The following SCUBE1 variants were observed in gnomAD, a reference collection of about 807,000 sequenced individuals.
SCUBE1 encodes signal peptide, CUB domain and EGF like domain containing 1, also known as signal peptide, CUB and EGF-like domain-containing protein 1.
Under a neutral mutation model 124.4 loss-of-function variants are expected in SCUBE1, and 59 were observed. The observed-to-expected ratio is 0.47, with a 90% CI of 0.38 to 0.59. The LOEUF is 0.59. Among genes scored for constraint, SCUBE1 ranks in the 20% least tolerant of loss-of-function variants. SCUBE1 has a pLI of 0.00. For missense variants in SCUBE1, 1,150 were observed against 1,371.2 expected (o/e 0.84, Z 2.55); for synonymous variants, 545 against 550.9 (o/e 0.99, Z 0.15).
At chr22:43,274,521 T>C (rs1332585253) in intron 4 of SCUBE1, among the ~76,000 whole-genome samples, 2 of 152,164 alleles carry the variant, frequency 1.3e-5, no homozygotes, top group Non-Finnish European at 2.9e-5. Context: ...GGCCATGGCC[T>C]GCCACGAACA....
At chr22:43,328,681 T>A (rs1926806505) in intron 2 of SCUBE1, among the ~76,000 whole-genome samples, 1 of 152,132 alleles carries the variant, frequency 6.6e-6, no homozygotes, top group African/African-American at 2.4e-5. Flanking sequence ...CTTTCTCTCA[T>A]CTCGGGATCC....
chr22:43,238,842 G>T lies in SCUBE1; in HGVS notation c.840C>A (p.Cys280Ter), dbSNP rs1204697605. 6.2e-7 allele frequency: 1 copy of T among 1,612,290 alleles called. No homozygotes were observed. The highest frequency in any genetic ancestry group is 8.5e-7 in the Non-Finnish European group (1 of 1,179,270). Residue 280 changes from cysteine to a stop codon, truncating the protein, a stop_gained, in exon 7 of 22, where the codon TGC becomes TGA. Transcript: ENST00000360835. LOFTEE classifies it high-confidence loss of function. The stretch of plus-strand genomic sequence containing the variant: ...CACACAGCTCCACATGCTGACCTTT[G>T]CATGTCTTCCCGTCCGGCTGCAGTG... ...GFTLQPDGKTCKDINECLVNN... is the reference protein window; with the variant it reads ...GFTLQPDGKT
Position 43,258,417 on chromosome 22 carries a change from C to A in SCUBE1, c.611-82G>T. 2 of 1,051,334 alleles carry A rather than the reference C, an allele frequency of 1.9e-6. No homozygotes were observed. The highest frequency in any genetic ancestry group is 2.5e-5 in the South Asian group (2 of 78,534). 65.1% of individuals were successfully genotyped at this position (1,051,334 alleles called of 1,614,324 possible). A position where few individuals can be genotyped will look rare whatever the true frequency, so the allele number is the denominator to read the frequency against. Reference sequence around the variant, plus strand: ...GTTTGCCGGTGTTGGCGGCTGCCTTCAGGGTATGGGGAAACTGAGGCCTAA... The same window carrying A: ...GTTTGCCGGTGTTGGCGGCTGCCTTAAGGGTATGGGGAAACTGAGGCCTAA... On this transcript the variant is annotated intron_variant, in intron 5 of 21. Coordinates refer to ENST00000360835, the MANE Select transcript of SCUBE1 (RefSeq NM_173050.5). The surrounding 1 kb of genome is among the most constrained non-coding windows in gnomAD (Gnocchi z 5.0).
chr22:43,247,519 C>A (rs1436261221), intron 6 of SCUBE1, among the ~76,000 whole-genome samples: 1 of 152,248 alleles, frequency 6.6e-6, no homozygotes, highest in Non-Finnish European at 1.5e-5. Flanking sequence ...CCTGAAACCA[C>A]CCACCTTCCT....
chr22:43,247,424 C>T (rs1288023267), intron 6 of SCUBE1, among the ~76,000 whole-genome samples: 1 of 152,230 alleles, frequency 6.6e-6, no homozygotes, highest in African/African-American at 2.4e-5. Context: ...GTGTGCTTGA[C>T]TGGAGTGAAG....
At chr22:43,339,081 C>T (rs373671573) in intron 2 of SCUBE1, 23 bp downstream of exon 2, 356 of 1,612,494 alleles carry the variant, frequency 2.2e-4, no homozygotes, top group Non-Finnish European at 2.6e-4. Flanking sequence ...AGGGTCTGCC[C>T]GGGAGGGCCG....
At chr22:43,207,686 C>G in intron 20 of SCUBE1, 73 bp from the exon 21 acceptor site, 3 of 1,140,198 alleles carry the variant, frequency 2.6e-6, no homozygotes, top group Non-Finnish European at 4.0e-6. Context: ...TCACCTCCAG[C>G]CTCTGCCCTC....
chr22:43,259,659 C>T (rs1003870480), intron 5 of SCUBE1, among the ~76,000 whole-genome samples: 3 of 152,158 alleles, frequency 2.0e-5, no homozygotes, highest in South Asian at 2.1e-4. Context: ...GTCTCCACAG[C>T]GGGCGAGGAG....
intron 4 of SCUBE1, among the ~76,000 whole-genome samples, chr22:43,273,585 T>TTTTTTTTTTTTA (rs3047359): frequency 1.4e-5 from 2 of 143,456 alleles, no homozygotes; most frequent in African/African-American, 2.6e-5. Context: ...TTTTTTTTTT[T>TTTTTTTTTTTTA]GAGACAGAGT....
chr22:43,211,764 T>A lies in SCUBE1; in HGVS notation c.2221+661A>T, dbSNP rs953427232. Among the ~76,000 whole-genome samples the A allele has an allele frequency of 3.5e-4, 53 of 152,144 alleles. 2 individuals are homozygous for A. Among genetic ancestry groups the A allele is most frequent in the Non-Finnish European group, 7.4e-5 (5 of 68,024 alleles). On this transcript the variant is annotated intron_variant, in intron 17 of 21. Transcript: ENST00000360835. The surrounding 1 kb of genome is among the most constrained non-coding windows in gnomAD (Gnocchi z 4.5). ...GCCTCAAACTTCTGACCTCAGGTGA[T>A]CCACCCCCTTTGGCCTCCCAAAGTG...
rs144111779 is a variant in SCUBE1 at position 43,238,866 on chromosome 22, T to C, written c.816A>G (p.Thr272=). The C allele has an allele frequency of 1.2e-4, 189 of 1,613,204 alleles. 2 individuals carry two copies. The African/African-American group carries it at 2.2e-3, about 19-fold the overall frequency. ...GVRCSCPVGF[T]LQPDGKTCKD... ...TGCATGTCTTCCCGTCCGGCTGCAG[T>C]GTGAATCCAACGGGGCAGCTGCATC... is the stretch of plus-strand genomic sequence containing the variant. Residue 272 remains threonine, a synonymous_variant, in exon 7 of 22, where the codon ACA becomes ACG. Transcript: ENST00000360835.
Position 43,255,790 on chromosome 22 carries a change from G to A in SCUBE1, c.727+2429C>T, listed in dbSNP as rs1404449127. On this transcript the variant is annotated intron_variant, in intron 6 of 21. Transcript: ENST00000360835. This position sits in a 1 kb window ranked among gnomAD's most constrained non-coding sequence, Gnocchi z 4.7. ...GAGGCAGCGAGGGCGGGGGCGGGGG[G>A]ACGTGCAGGAAAGGAGGAATGACCA... 6.6e-6 allele frequency among the ~76,000 whole-genome samples: 1 copy of A among 152,170 alleles called. No homozygotes were observed. The highest frequency in any genetic ancestry group is 2.1e-4 in the South Asian group (1 of 4,828).
intron 3 of SCUBE1, among the ~76,000 whole-genome samples, chr22:43,310,769 T>A (rs1022448469): frequency 1.3e-5 from 2 of 152,258 alleles, no homozygotes; most frequent in Non-Finnish European, 2.9e-5. Flanking sequence ...TCAATACACA[T>A]TTTTTAAAAA....
intron 3 of SCUBE1, among the ~76,000 whole-genome samples, chr22:43,291,947 G>A (rs182711694): frequency 9.9e-5 from 15 of 152,188 alleles, no homozygotes; most frequent in Admixed American, 5.9e-4. Flanking sequence ...ATTCAAACCC[G>A]GTGGTCTGAC....
At chr22:43,254,633 C>T (rs113198923) in intron 6 of SCUBE1, among the ~76,000 whole-genome samples, 21 of 152,248 alleles carry the variant, frequency 1.4e-4, no homozygotes, top group African/African-American at 3.1e-4. Flanking sequence ...AAATGGAGAC[C>T]GCGCTACCTG....
intron 6 of SCUBE1, among the ~76,000 whole-genome samples, chr22:43,239,999 A>G (rs1034635608): frequency 2.0e-5 from 3 of 152,066 alleles, no homozygotes; most frequent in Non-Finnish European, 4.4e-5. Flanking sequence ...ACATACCCTC[A>G]GCTGTCGGGA....
At position 43,238,934 on chromosome 22, in the gene SCUBE1, C is replaced by T; in HGVS notation, c.748G>A (p.Gly250Arg). The change falls in exon 7 of 22, where the codon GGA (glycine) becomes AGA (arginine). Residue 250 changes from glycine to arginine, a missense_variant. Coordinates refer to ENST00000360835, the MANE Select transcript of SCUBE1 (RefSeq NM_173050.5). ...TCCTTGCATGTCCGGTCGCAGCCTC[C>T]GTTATTGACTGCGCACGTCTCTGGG... ...TCIETCAVNN[G>R]GCDRTCKDTA... 1.2e-6 allele frequency: 2 copies of T among 1,612,730 alleles called. No homozygotes were observed. The highest frequency in any genetic ancestry group is 1.7e-6 in the Non-Finnish European group (2 of 1,179,668).
At chr22:43,322,446 G>T (rs1171910674) in intron 2 of SCUBE1, among the ~76,000 whole-genome samples, 1 of 152,162 alleles carries the variant, frequency 6.6e-6, no homozygotes, top group African/African-American at 2.4e-5. Context: ...TCAACCTACA[G>T]TTACCTGGGG....
intron 7 of SCUBE1, among the ~76,000 whole-genome samples, chr22:43,235,195 G>A (rs1357021694): frequency 6.6e-6 from 1 of 152,220 alleles, no homozygotes; most frequent in Non-Finnish European, 1.5e-5. Context: ...TGAGGGTTGA[G>A]GGAAGGGTGG....
Sources: allele counts gnomAD v4.1 joint callset (sites outside exome capture counted in the v4.1 genomes callset), GRCh38; gene constraint gnomAD v4.1.1; non-coding constraint Gnocchi (gnomAD v3.1); transcripts MANE v1.5; gene names NCBI Gene and HGNC (gene_info 2026-07-23, HGNC 2026-07-21).